Variants in MAPK10 observed in about 807,000 individuals in gnomAD.
MAPK10 encodes the protein JNK3 alpha protein kinase.
A neutral mutation model predicts 59.3 loss-of-function variants in MAPK10; 25 were observed. That is an observed-to-expected ratio of 0.42 (90% CI 0.31 to 0.59). MAPK10 has a LOEUF of 0.59. Among genes scored for constraint, MAPK10 ranks in the 20% least tolerant of loss-of-function variants. The pLI is 0.15. For missense variants in MAPK10, 351 were observed against 568.9 expected, an observed-to-expected ratio of 0.62 and a Z score of 3.90; for synonymous variants, 190 against 200.5, an observed-to-expected ratio of 0.95 and a Z score of 0.44.
chr4:86,097,358 A>G (rs114925571), intron 9 of MAPK10, among the ~76,000 whole-genome samples: 3,493 of 152,080 alleles, frequency 0.023, 60 homozygotes, highest in Non-Finnish European at 0.036. Context: ...ATACAAGCTT[A>G]TTATGGTACC....
At chr4:86,164,546 T>C (rs1029728343) in intron 3 of MAPK10, 3 of 152,154 alleles carry the variant, frequency 2.0e-5, no homozygotes, top group Non-Finnish European at 4.4e-5. Context: ...CATATTCAAT[T>C]GTTTCTTTAT....
chr4:86,403,451 G>A (rs1484826792), intron 1 of MAPK10, among the ~76,000 whole-genome samples: 3 of 152,112 alleles, frequency 2.0e-5, no homozygotes, highest in African/African-American at 7.2e-5. Flanking sequence ...GGGAGACAGA[G>A]GTTGCAGTGA....
intron 1 of MAPK10, among the ~76,000 whole-genome samples, chr4:86,573,193 T>TAAGA (rs1688643389): frequency 2.0e-5 from 3 of 152,186 alleles, no homozygotes; most frequent in Admixed American, 1.3e-4. Flanking sequence ...ATGTCTTACC[T>TAAGA]AAGAAAGCTT....
chr4:86,057,183 T>C (rs2044744006), intron 11 of MAPK10, among the ~76,000 whole-genome samples: 1 of 149,418 alleles, frequency 6.7e-6, no homozygotes, highest in Non-Finnish European at 1.5e-5. Context: ...TATCAAGTGA[T>C]CCACCCGCCT....
At chr4:86,099,811 C>T (rs901371455) in intron 8 of MAPK10, 1 of 152,034 alleles carries the variant, frequency 6.6e-6, no homozygotes, top group Non-Finnish European at 1.5e-5. Flanking sequence ...AAAAATAACT[C>T]GTGAAGAAAG....
At chr4:86,281,195 C>T (rs1055755788) in intron 2 of MAPK10, among the ~76,000 whole-genome samples, 1 of 152,000 alleles carries the variant, frequency 6.6e-6, no homozygotes, top group African/African-American at 2.4e-5. Context: ...TACCAATATC[C>T]CATAACCCAG....
intron 1 of MAPK10, among the ~76,000 whole-genome samples, chr4:86,433,835 C>G (rs1356710264): frequency 2.0e-5 from 3 of 152,106 alleles, no homozygotes; most frequent in African/African-American, 4.8e-5. Flanking sequence ...TTCAGCTGAA[C>G]CTCATGACAC....
chr4:86,107,071 G>C, intron 5 of MAPK10, 152 bp downstream of exon 5: 1 of 562,300 alleles, frequency 1.8e-6, no homozygotes, highest in South Asian at 2.6e-5. Context: ...TGAGGACAAT[G>C]AAATCGAATG....
intron 11 of MAPK10, among the ~76,000 whole-genome samples, chr4:86,044,261 T>G (rs997671991): frequency 1.3e-5 from 2 of 152,170 alleles, no homozygotes; most frequent in African/African-American, 4.8e-5. Context: ...TTCAATTAAA[T>G]TGCTCTAGTT....
At chr4:86,172,615 C>A (rs2074555464) in intron 3 of MAPK10, among the ~76,000 whole-genome samples, 1 of 150,810 alleles carries the variant, frequency 6.6e-6, no homozygotes, top group Non-Finnish European at 1.5e-5. Context: ...AGGAGATATA[C>A]CTAATGCTAA....
intron 1 of MAPK10, among the ~76,000 whole-genome samples, chr4:86,576,526 G>A (rs1004683322): frequency 3.3e-5 from 5 of 152,118 alleles, no homozygotes; most frequent in African/African-American, 1.2e-4. Flanking sequence ...TGTAATCCCA[G>A]CACTTTGGGA....
At chr4:86,136,544 TG>T (rs1376504968) in intron 4 of MAPK10, among the ~76,000 whole-genome samples, 1 of 149,882 alleles carries the variant, frequency 6.7e-6, no homozygotes, top group East Asian at 1.9e-4. Context: ...GCGCTAAACA[TG>T]GAAAGGAACA....
At chr4:86,202,310 C>G (rs1186636280) in intron 2 of MAPK10, among the ~76,000 whole-genome samples, 2 of 151,858 alleles carry the variant, frequency 1.3e-5, no homozygotes, top group Non-Finnish European at 2.9e-5. Context: ...TCAGTCTTCT[C>G]ACAGCACTTT....
At chr4:86,575,668 T>C (rs1220843300) in intron 1 of MAPK10, among the ~76,000 whole-genome samples, 2 of 151,844 alleles carry the variant, frequency 1.3e-5, no homozygotes, top group African/African-American at 4.8e-5. Context: ...GTTTTTGTTT[T>C]GTTTCTAGTC....
intron 1 of MAPK10, among the ~76,000 whole-genome samples, chr4:86,444,384 G>C (rs574440353): frequency 6.6e-6 from 1 of 152,220 alleles, no homozygotes; most frequent in East Asian, 1.9e-4. Context: ...AATTGAAACT[G>C]GACCCCTTCC....
intron 11 of MAPK10, among the ~76,000 whole-genome samples, chr4:86,045,543 T>C (rs1216418375): frequency 6.6e-6 from 1 of 152,066 alleles, no homozygotes; most frequent in East Asian, 1.9e-4. Flanking sequence ...TCTAGCTCCC[T>C]TTTCTCAACT....
chr4:86,015,438 ACTT>A lies in MAPK10; in HGVS notation c.*1787_*1789del, dbSNP rs574058049. ...ATCAACCATCCACTTCCTGTCTTTC[ACTT>A]CTTCAGGTGAAATATCACCACTCTA... is the stretch of plus-strand genomic sequence containing the variant. On this transcript the variant is annotated 3_prime_UTR_variant, in exon 14 of 14. Transcript: ENST00000641462. 13 of 152,288 alleles carry A rather than the reference ACTT, an allele frequency of 8.5e-5. No homozygotes were observed. The South Asian group carries it at 2.7e-3, about 32-fold the overall frequency. The allele number at this position is 152,288 out of a possible 1,614,324, so 9.4% of individuals were successfully genotyped here.
chr4:86,015,763 A>G lies in MAPK10; in HGVS notation c.*1465T>C, dbSNP rs1160447703. 6.6e-6 allele frequency: 1 copy of G among 152,156 alleles called. No homozygotes were observed. Among genetic ancestry groups the G allele is most frequent in the African/African-American group, 2.4e-5 (1 of 41,428 alleles). 9.4% of individuals were successfully genotyped at this position (152,156 alleles called of 1,614,324 possible). A position where few individuals can be genotyped will look rare whatever the true frequency, so the allele number is the denominator to read the frequency against. ...GGGCAGAGTTATTGCTCTTACATCT[A>G]CTGCAGTACAAAACTCAGATGATCA... is the stretch of plus-strand genomic sequence containing the variant. On this transcript the variant is annotated 3_prime_UTR_variant, in exon 14 of 14. Transcript: ENST00000641462.
chr4:86,456,565 G>C (rs182035149), upstream of MAPK10, among the ~76,000 whole-genome samples: 1 of 151,996 alleles, frequency 6.6e-6, no homozygotes, highest in African/African-American at 2.4e-5. Context: ...AAAAGAGATG[G>C]ATAAATTCCT....
Sources: gnomAD v4.1 joint callset for allele counts (sites outside exome capture counted in the v4.1 genomes callset) on GRCh38, gnomAD v4.1.1 for gene constraint, MANE v1.5 for transcripts, NCBI Gene and HGNC (gene_info 2026-07-23, HGNC 2026-07-21) for gene names.